NDUFAF6: variants seen among roughly 807,000 people sequenced by gnomAD.
NDUFAF6 encodes the protein NADH:ubiquinone oxidoreductase complex assembly factor 6.
NDUFAF6 carries 45 observed loss-of-function variants against 40.8 expected under a neutral mutation model. That is an observed-to-expected ratio of 1.10 (90% CI 0.87 to 1.42). NDUFAF6 has a LOEUF of 1.42. NDUFAF6 is among the 40% of genes most tolerant of loss of function. The pLI is 0.00. For missense variants in NDUFAF6, 435 were observed against 418.5 expected, an observed-to-expected ratio of 1.04 and a Z score of -0.34; for synonymous variants, 185 against 155.9, an observed-to-expected ratio of 1.19 and a Z score of -1.39.
At chr8:95,039,021 G>T (rs1395399929) in intron 3 of NDUFAF6, among the ~76,000 whole-genome samples, 2 of 150,898 alleles carry the variant, frequency 1.3e-5, no homozygotes. Flanking sequence ...CTGTTGCTCA[G>T]ACTGGAGTGG....
intron 1 of NDUFAF6, among the ~76,000 whole-genome samples, chr8:94,980,484 A>G (rs1042746661): frequency 2.2e-5 from 3 of 134,344 alleles, no homozygotes; most frequent in African/African-American, 8.5e-5. Context: ...TGGCTCTGTC[A>G]CTGAACTGGA....
chr8:94,956,417 A>G (rs1221368573), upstream of NDUFAF6, among the ~76,000 whole-genome samples: 1 of 152,176 alleles, frequency 6.6e-6, no homozygotes, highest in Non-Finnish European at 1.5e-5. Flanking sequence ...GTGAGTGTGA[A>G]GGTCCCACCA....
chr8:95,028,227 AG>A (rs1200302341), intron 1 of NDUFAF6, among the ~76,000 whole-genome samples: 1 of 152,230 alleles, frequency 6.6e-6, no homozygotes, highest in Non-Finnish European at 1.5e-5. Context: ...CCTGGCACAT[AG>A]TAGGCACTGC....
intron 4 of NDUFAF6, among the ~76,000 whole-genome samples, chr8:95,043,214 A>G (rs1366673193): frequency 6.6e-6 from 1 of 151,074 alleles, no homozygotes; most frequent in Non-Finnish European, 1.5e-5. Context: ...CCTCCTGAGT[A>G]GCTGAGACTA....
intron 1 of NDUFAF6, among the ~76,000 whole-genome samples, chr8:94,976,471 C>T (rs1824948863): frequency 6.8e-6 from 1 of 147,618 alleles, no homozygotes; most frequent in Admixed American, 6.8e-5. Context: ...CCACTGCACT[C>T]CAGCCTGGTG....
intron 1 of NDUFAF6, among the ~76,000 whole-genome samples, chr8:94,940,444 TCTG>T (rs1372235049): frequency 6.1e-5 from 5 of 82,542 alleles, no homozygotes; most frequent in Non-Finnish European, 1.2e-4. Context: ...GCACAGAAAT[TCTG>T]TGTGTGTGTG....
At chr8:94,932,541 C>G (rs999516624) in intron 1 of NDUFAF6, among the ~76,000 whole-genome samples, 1 of 152,164 alleles carries the variant, frequency 6.6e-6, no homozygotes, top group African/African-American at 2.4e-5. Context: ...CGGTGGCTCA[C>G]GCCTGTAATC....
At chr8:95,116,575 T>A (rs997776807), downstream of NDUFAF6, 6 of 152,240 alleles carry the variant, frequency 3.9e-5, no homozygotes, top group African/African-American at 1.4e-4. Context: ...AGTCTTGAAT[T>A]TCTGCACTCA....
chr8:94,980,775 G>A (rs764208424), intron 1 of NDUFAF6: 3 of 343,926 alleles, frequency 8.7e-6, no homozygotes, highest in Non-Finnish European at 1.8e-5. Context: ...AATGAATAAG[G>A]CATAAAACCT....
At chr8:95,052,104 G>C in intron 7 of NDUFAF6, 70 bp from the exon 8 acceptor site, 4 of 1,413,622 alleles carry the variant, frequency 2.8e-6, no homozygotes, top group South Asian at 1.2e-5. Context: ...TAAACTGCTG[G>C]TGTTGCTTTC....
upstream of NDUFAF6, among the ~76,000 whole-genome samples, chr8:95,098,704 T>A (rs981400671): frequency 3.2e-4 from 48 of 151,510 alleles, 1 homozygote; most frequent in Non-Finnish European, 1.0e-4. Context: ...TATTAAAAAC[T>A]CTATGAACAT....
chr8:95,001,099 G>A (rs1274257415), intron 2 of NDUFAF6, among the ~76,000 whole-genome samples: 2 of 151,750 alleles, frequency 1.3e-5, no homozygotes, highest in African/African-American at 4.8e-5. Flanking sequence ...GGGACTCCAG[G>A]AGCACCACCA....
chr8:94,917,059 C>T (rs540242457), intron 1 of NDUFAF6, among the ~76,000 whole-genome samples: 3 of 147,606 alleles, frequency 2.0e-5, no homozygotes, highest in Admixed American at 1.4e-4. Flanking sequence ...GGCAGTGATC[C>T]GAGACCACAC....
intron 1 of NDUFAF6, among the ~76,000 whole-genome samples, chr8:94,960,109 A>G (rs1231530740): frequency 2.6e-5 from 4 of 152,232 alleles, no homozygotes; most frequent in Non-Finnish European, 5.9e-5. Flanking sequence ...TCTCTTAGCT[A>G]CTGCATAGCC....
rs914322302 is a variant in NDUFAF6 at position 95,116,163 on chromosome 8, C to A, written n.547-107C>A. 8.9e-5 allele frequency: 14 copies of A among 158,056 alleles called. 1 individual carries two copies. The highest frequency in any genetic ancestry group is 2.0e-4 in the South Asian group (1 of 5,090). 9.8% of individuals were successfully genotyped at this position (158,056 alleles called of 1,614,324 possible). On this transcript the variant is annotated intron_variant and non_coding_transcript_variant, in intron 5 of 5. Transcript: ENST00000523184. Reference sequence around the variant, plus strand: ...AAAACAAAACAAAACAAAACAAAACCAAAAAAACGAACAAACAAAAGTGAC... The same window carrying A: ...AAAACAAAACAAAACAAAACAAAACAAAAAAAACGAACAAACAAAAGTGAC...
chr8:94,923,674 A>C (rs895384691), intron 1 of NDUFAF6, among the ~76,000 whole-genome samples: 10 of 150,806 alleles, frequency 6.6e-5, no homozygotes, highest in Non-Finnish European at 1.5e-4. Context: ...AGATACTCTG[A>C]ATTTTACTTT....
At chr8:94,972,645 C>T (rs1298831717) in intron 1 of NDUFAF6, among the ~76,000 whole-genome samples, 2 of 150,968 alleles carry the variant, frequency 1.3e-5, no homozygotes, top group South Asian at 4.2e-4. Context: ...AATCTCAGCA[C>T]TTTGGGAGGA....
At chr8:94,997,077 A>C (rs373282350) in intron 2 of NDUFAF6, among the ~76,000 whole-genome samples, 31 of 152,256 alleles carry the variant, frequency 2.0e-4, no homozygotes, top group African/African-American at 7.5e-4. Flanking sequence ...AAAAGAACTT[A>C]TGTTCAGGAA....
chr8:94,973,582 C>T (rs1187906924), intron 1 of NDUFAF6, among the ~76,000 whole-genome samples: 1 of 152,024 alleles, frequency 6.6e-6, no homozygotes, highest in Non-Finnish European at 1.5e-5. Context: ...GTGGCGGGCA[C>T]CTTTAGTCCC....
Sources: allele counts gnomAD v4.1 joint callset (sites outside exome capture counted in the v4.1 genomes callset), GRCh38; gene constraint gnomAD v4.1.1; transcripts MANE v1.5; gene names NCBI Gene and HGNC (gene_info 2026-07-23, HGNC 2026-07-21).